Variants in VPS13C observed in about 807,000 individuals in gnomAD.
VPS13C encodes vacuolar protein sorting 13 homolog C.
Under a neutral mutation model 456.8 loss-of-function variants are expected in VPS13C, and 358 were observed. That is an observed-to-expected ratio of 0.78 (90% CI 0.72 to 0.86). The LOEUF (loss-of-function observed/expected upper bound fraction) is 0.86, where lower values mean the gene tolerates loss of function less well. VPS13C is among the 40% of genes least tolerant of loss of function. The pLI, the probability that VPS13C is intolerant of heterozygous loss-of-function variation, is 0.00. For synonymous variants in VPS13C, 1,578 were observed against 1,486.7 expected (o/e 1.06, Z -1.41); for missense variants, 4,818 against 4,385.4 (o/e 1.10, Z -2.79).
chr15:61,872,213 T>A (rs1320111488), intron 78 of VPS13C, among the ~76,000 whole-genome samples, 179 bp from the exon 79 acceptor site: 1 of 152,142 alleles, frequency 6.6e-6, no homozygotes, highest in African/African-American at 2.4e-5. Flanking sequence ...TTTTCAAATA[T>A]CATATCACAG....
At chr15:62,027,931 C>T (rs551088519) in intron 6 of VPS13C, among the ~76,000 whole-genome samples, 6 of 152,166 alleles carry the variant, frequency 3.9e-5, no homozygotes, top group East Asian at 1.9e-4. Context: ...CCTCCTGTCA[C>T]GGTTCTGAAT....
intron 47 of VPS13C, 78 bp downstream of exon 47, chr15:61,940,569 A>G: frequency 7.2e-7 from 1 of 1,384,324 alleles, no homozygotes; most frequent in Non-Finnish European, 9.7e-7. Context: ...CTACATTCTG[A>G]TATCCACTAG....
At chr15:61,913,722 G>A (rs1218253728) in intron 61 of VPS13C, among the ~76,000 whole-genome samples, 2 of 152,082 alleles carry the variant, frequency 1.3e-5, no homozygotes, top group African/African-American at 4.8e-5. Flanking sequence ...AATGCAAAAC[G>A]ATGTTTTCCA....
intron 1 of VPS13C, among the ~76,000 whole-genome samples, chr15:62,046,115 AG>A (rs1471588962): frequency 6.6e-6 from 1 of 152,192 alleles, no homozygotes; most frequent in Non-Finnish European, 1.5e-5. Flanking sequence ...TAATAAAGGA[AG>A]AAAAGGAGGA....
chr15:62,004,904 G>T (rs940299428), intron 15 of VPS13C, among the ~76,000 whole-genome samples: 1 of 152,144 alleles, frequency 6.6e-6, no homozygotes, highest in African/African-American at 2.4e-5. Context: ...TATAATTTCT[G>T]TTCTTTTACA....
At chr15:61,887,708 T>C (rs927456616) in intron 67 of VPS13C, among the ~76,000 whole-genome samples, 3 of 151,844 alleles carry the variant, frequency 2.0e-5, no homozygotes, top group African/African-American at 7.3e-5. Flanking sequence ...AATACATACA[T>C]ACATATATAA....
At chr15:61,975,821 A>G (rs1812724457) in intron 24 of VPS13C, among the ~76,000 whole-genome samples, 1 of 152,122 alleles carries the variant, frequency 6.6e-6, no homozygotes, top group South Asian at 2.1e-4. Context: ...TAACACAAAT[A>G]TAAAACTTTG....
chr15:61,964,715 A>AT lies in VPS13C; in HGVS notation c.3197dup (p.Asn1066LysfsTer14), dbSNP rs2045324493. The AT allele has an allele frequency of 6.2e-7, 1 of 1,600,946 alleles. No individual in the cohort carries two copies. The stretch of plus-strand genomic sequence containing the variant: ...GTTTCATACCTTTTGGCAGAGTTGA[A>AT]TTTTTTTGTTGTTTTTCAGTTGAAA... On this transcript the variant is annotated frameshift_variant, in exon 31 of 85. Transcript: ENST00000644861. LOFTEE classifies it high-confidence loss of function.
intron 8 of VPS13C, among the ~76,000 whole-genome samples, chr15:62,021,534 A>T (rs1453495303): frequency 6.6e-6 from 1 of 151,892 alleles, no homozygotes; most frequent in African/African-American, 2.4e-5. Context: ...CATTTTAGAC[A>T]TCTTAAAGAA....
intron 17 of VPS13C, 76 bp from the exon 18 acceptor site, chr15:61,991,170 C>T: frequency 8.9e-7 from 1 of 1,119,406 alleles, no homozygotes. Flanking sequence ...ACCAAACTAA[C>T]AAGTATCCTA....
At chr15:62,018,941 A>G (rs370304817) in intron 9 of VPS13C, among the ~76,000 whole-genome samples, 1 of 152,124 alleles carries the variant, frequency 6.6e-6, no homozygotes, top group African/African-American at 2.4e-5. Context: ...TTGGTAAGCT[A>G]TTAATTATTG....
Position 61,876,956 on chromosome 15 carries a change from C to T in VPS13C, c.10224+17G>A, listed in dbSNP as rs543956373. ...TATGAAGTATATTCCTTATGAAATACTATGATAGGAAATTACCTGTTCACT... is the reference window on the plus strand; with the variant it reads ...TATGAAGTATATTCCTTATGAAATATTATGATAGGAAATTACCTGTTCACT... On this transcript the variant is annotated intron_variant, in intron 75 of 84. Transcript: ENST00000644861. 955 of 1,569,300 alleles carry T rather than the reference C, an allele frequency of 6.1e-4. 14 individuals are homozygous for T. The South Asian group carries it at 0.01, about 17-fold the overall frequency.
intron 19 of VPS13C, 68 bp downstream of exon 19, chr15:61,984,789 A>G (rs1482714330): frequency 5.3e-6 from 8 of 1,498,026 alleles, no homozygotes; most frequent in Non-Finnish European, 6.4e-6. Context: ...TTAAACCTGA[A>G]TAACACACAT....
At chr15:61,910,371 T>C (rs2077898167) in intron 63 of VPS13C, 66 bp from the exon 64 acceptor site, 5 of 1,222,430 alleles carry the variant, frequency 4.1e-6, no homozygotes, top group South Asian at 2.6e-5. Context: ...AGACATTACC[T>C]AATTAAATTT....
chr15:61,877,340 C>A (rs1263711870), intron 74 of VPS13C, among the ~76,000 whole-genome samples: 1 of 150,446 alleles, frequency 6.6e-6, no homozygotes. Flanking sequence ...ACTTAGAATT[C>A]TTTCTTTTAT....
intron 6 of VPS13C, among the ~76,000 whole-genome samples, chr15:62,026,774 G>A (rs1171694607): frequency 1.3e-5 from 2 of 152,056 alleles, no homozygotes; most frequent in African/African-American, 4.8e-5. Context: ...CTCAAGGGTT[G>A]AAGTTTATTA....
At chr15:61,973,355 A>G (rs937656261) in intron 26 of VPS13C, 99 bp downstream of exon 26, 13 of 955,466 alleles carry the variant, frequency 1.4e-5, no homozygotes, top group Admixed American at 1.0e-4. Flanking sequence ...GTAAATTACT[A>G]CAGCACTTTC....
chr15:61,878,980 T>C (rs77822860), intron 73 of VPS13C, among the ~76,000 whole-genome samples: 1,669 of 152,210 alleles, frequency 0.011, 33 homozygotes, highest in African/African-American at 0.038. Flanking sequence ...TTTTATGCAA[T>C]GTATATAAAT....
At chr15:62,021,893 C>T (rs944072583) in intron 8 of VPS13C, among the ~76,000 whole-genome samples, 1 of 151,924 alleles carries the variant, frequency 6.6e-6, no homozygotes, top group Non-Finnish European at 1.5e-5. Flanking sequence ...CTACAAACCA[C>T]AGCTATTATC....
Sources: allele counts gnomAD v4.1 joint callset (sites outside exome capture counted in the v4.1 genomes callset), GRCh38; gene constraint gnomAD v4.1.1; transcripts MANE v1.5; gene names NCBI Gene and HGNC (gene_info 2026-07-23, HGNC 2026-07-21).